Variants in PLPP4 observed in about 807,000 individuals in gnomAD.
PLPP4 encodes the protein diacylglycerol pyrophosphate like 2.
PLPP4 carries 20 observed loss-of-function variants against 32.2 expected under a neutral mutation model. That is an observed-to-expected ratio of 0.62 (90% CI 0.44 to 0.90). PLPP4 has a LOEUF of 0.90. PLPP4 is among the 40% of genes least tolerant of loss of function. The pLI, the probability that PLPP4 is intolerant of heterozygous loss-of-function variation, is 0.00. For missense variants in PLPP4, 257 were observed against 353.1 expected (o/e 0.73, Z 2.18); for synonymous variants, 127 against 133.0 (o/e 0.95, Z 0.31).
intron 1 of PLPP4, among the ~76,000 whole-genome samples, chr10:120,462,520 C>T (rs1848102188): frequency 6.6e-6 from 1 of 152,206 alleles, no homozygotes; most frequent in African/African-American, 2.4e-5. Context: ...GGTCAGCCAT[C>T]TGCATCTTTA....
chr10:120,459,732 G>A (rs1420931126), intron 1 of PLPP4, among the ~76,000 whole-genome samples: 1 of 152,152 alleles, frequency 6.6e-6, no homozygotes. Flanking sequence ...TATCTGCGGG[G>A]AGAGGGGGTA....
At chr10:120,572,336 C>G (rs1347642068) in intron 5 of PLPP4, among the ~76,000 whole-genome samples, 1 of 152,216 alleles carries the variant, frequency 6.6e-6, no homozygotes, top group Admixed American at 6.5e-5. Context: ...CAGCCCTTCC[C>G]CTTCTCCATG....
At chr10:120,525,240 A>G (rs1346176787) in intron 5 of PLPP4, among the ~76,000 whole-genome samples, 1 of 152,188 alleles carries the variant, frequency 6.6e-6, no homozygotes, top group Non-Finnish European at 1.5e-5. Context: ...TTACAGAGAA[A>G]ATTTACTAAC....
chr10:120,489,660 A>G (rs973851485), intron 1 of PLPP4, among the ~76,000 whole-genome samples: 10 of 152,174 alleles, frequency 6.6e-5, no homozygotes, highest in African/African-American at 2.2e-4. Context: ...AGGTTGCCAG[A>G]TCAAATGCTT....
intron 1 of PLPP4, among the ~76,000 whole-genome samples, chr10:120,496,436 A>G (rs1844965478): frequency 6.6e-6 from 1 of 152,004 alleles, no homozygotes; most frequent in African/African-American, 2.4e-5. Flanking sequence ...ACCTTGGAAC[A>G]TCCCTAGAGG....
intron 1 of PLPP4, among the ~76,000 whole-genome samples, chr10:120,461,525 G>A (rs1374418950): frequency 6.6e-6 from 1 of 151,998 alleles, no homozygotes; most frequent in Non-Finnish European, 1.5e-5. Context: ...TGTCTGCAGG[G>A]TCCCCCTAGG....
rs776642006 is a variant in PLPP4, at chr10:120,589,306, C to G, written c.620C>G (p.Ser207Cys). ...TGCTCTGCTGTTTCCTGCCTAGATT[C>G]CTTTGTGGGTGGAGTCATCGGCCTC... ...MCDYKHHWQDSFVGGVIGLIF... is the reference protein window; with the variant it reads ...MCDYKHHWQDCFVGGVIGLIF... The change falls in exon 7 of 7, where the codon TCC becomes TGC. Residue 207 changes from serine to cysteine, a missense_variant. Ser to Cys is a moderately radical substitution (Grantham distance 112, BLOSUM62 -1). Transcript: ENST00000398250. 1.9e-5 allele frequency: 31 copies of G among 1,614,108 alleles called. No individual in the cohort carries two copies. Among genetic ancestry groups the G allele is most frequent in the Non-Finnish European group, 2.5e-5 (30 of 1,179,970 alleles).
At chr10:120,581,351 G>T in intron 6 of PLPP4, 1 of 964,446 alleles carries the variant, frequency 1.0e-6, no homozygotes, top group Middle Eastern at 5.3e-4. Flanking sequence ...ATCCTCAGTT[G>T]TTGCCTGAAT....
At chr10:120,519,521 G>T (rs1168949577) in intron 4 of PLPP4, among the ~76,000 whole-genome samples, 3 of 151,726 alleles carry the variant, frequency 2.0e-5, no homozygotes, top group African/African-American at 7.3e-5. Context: ...GACTGAGGGG[G>T]CAGGAGATAG....
At chr10:120,501,339 A>C (rs1231100820) in intron 1 of PLPP4, among the ~76,000 whole-genome samples, 7 of 152,060 alleles carry the variant, frequency 4.6e-5, no homozygotes, top group Non-Finnish European at 7.4e-5. Context: ...GGGAGCAGGG[A>C]GTAGGTTGTC....
intron 1 of PLPP4, among the ~76,000 whole-genome samples, chr10:120,462,421 G>A (rs1022986676): frequency 6.6e-6 from 1 of 152,218 alleles, no homozygotes; most frequent in African/African-American, 2.4e-5. Context: ...CACAGGCCCT[G>A]CAGACTGTGA....
chr10:120,537,873 G>A (rs1296278655), intron 5 of PLPP4, among the ~76,000 whole-genome samples: 1 of 151,600 alleles, frequency 6.6e-6, no homozygotes, highest in Non-Finnish European at 1.5e-5. Context: ...TACCATGAGC[G>A]AGCACTGTTC....
chr10:120,476,947 C>T (rs1843952184), intron 1 of PLPP4, among the ~76,000 whole-genome samples: 1 of 152,134 alleles, frequency 6.6e-6, no homozygotes, highest in South Asian at 2.1e-4. Flanking sequence ...GTTCCCTCTC[C>T]CAATGGTCTT....
intron 3 of PLPP4, among the ~76,000 whole-genome samples, chr10:120,517,149 G>T (rs1336173774): frequency 6.6e-6 from 1 of 152,152 alleles, no homozygotes; most frequent in Non-Finnish European, 1.5e-5. Flanking sequence ...GATTTACATG[G>T]GGCGATAGGG....
intron 5 of PLPP4, among the ~76,000 whole-genome samples, chr10:120,528,139 A>G (rs1244211650): frequency 3.1e-5 from 4 of 130,166 alleles, no homozygotes. Context: ...CAGCGGCGCG[A>G]TCTCGGCTCA....
chr10:120,489,954 G>A (rs777202512), intron 1 of PLPP4, among the ~76,000 whole-genome samples: 1 of 152,186 alleles, frequency 6.6e-6, no homozygotes, highest in South Asian at 2.1e-4. Context: ...TATTCTAAGT[G>A]CTGGGGATAC....
intron 5 of PLPP4, among the ~76,000 whole-genome samples, chr10:120,572,851 G>A (rs1355556081): frequency 6.6e-6 from 1 of 152,204 alleles, no homozygotes; most frequent in East Asian, 1.9e-4. Flanking sequence ...GCCAGATAGG[G>A]CCACTTTGGA....
intron 1 of PLPP4, among the ~76,000 whole-genome samples, chr10:120,463,121 G>C (rs995893193): frequency 6.7e-5 from 10 of 149,676 alleles, no homozygotes; most frequent in African/African-American, 2.0e-4. Context: ...TCCGCCTCCT[G>C]GGTTCATGCC....
chr10:120,458,304 A>G (rs967826235), intron 1 of PLPP4, among the ~76,000 whole-genome samples: 5 of 152,138 alleles, frequency 3.3e-5, no homozygotes, highest in Non-Finnish European at 7.4e-5. Context: ...CTCTCTGCCC[A>G]TGGATGTTTT....
Sources: allele counts gnomAD v4.1 joint callset (sites outside exome capture counted in the v4.1 genomes callset), GRCh38; gene constraint gnomAD v4.1.1; transcripts MANE v1.5; gene names NCBI Gene and HGNC (gene_info 2026-07-23, HGNC 2026-07-21).